PCDH11X: variants seen among roughly 807,000 people sequenced by gnomAD.
PCDH11X encodes the protein protocadherin 11 X-linked, also known as protocadherin-11 X-linked.
Under a neutral mutation model 53.3 loss-of-function variants are expected in PCDH11X, and 18 were observed. That is an observed-to-expected ratio of 0.34 (90% CI 0.23 to 0.50). The LOEUF (loss-of-function observed/expected upper bound fraction) is 0.50. Among genes scored for constraint, PCDH11X ranks in the 20% least tolerant of loss-of-function variants. The pLI is 0.98. For synonymous variants in PCDH11X, 279 were observed against 393.3 expected (o/e 0.71, Z 3.44); for missense variants, 570 against 1,032.4 (o/e 0.55, Z 6.14).
chrX:92,185,806 T>C (rs1273606097), intron 6 of PCDH11X, among the ~76,000 whole-genome samples: 1 of 108,639 alleles, frequency 9.2e-6, no homozygotes, highest in Non-Finnish European at 1.9e-5. Context: ...AATTTTACCC[T>C]AAATAGAATA....
intron 10 of PCDH11X, among the ~76,000 whole-genome samples, chrX:92,500,948 G>T (rs79098934): frequency 9.1e-6 from 1 of 109,676 alleles, no homozygotes; most frequent in African/African-American, 3.3e-5. Context: ...CTATTTTTTT[G>T]AAAAAAATAA....
intron 6 of PCDH11X, among the ~76,000 whole-genome samples, chrX:92,012,280 T>A (rs1309136949): frequency 9.2e-6 from 1 of 108,371 alleles, no homozygotes; most frequent in Non-Finnish European, 1.9e-5. Context: ...TGGCAGCTGG[T>A]TTTACCCTAG....
At chrX:92,432,541 G>A (rs1399133983) in intron 9 of PCDH11X, among the ~76,000 whole-genome samples, 6 of 109,977 alleles carry the variant, frequency 5.5e-5, no homozygotes, top group African/African-American at 2.0e-4. Context: ...AGGTAGTTCA[G>A]TGTTTCATAT....
chrX:91,984,512 G>A (rs868842292), intron 6 of PCDH11X, among the ~76,000 whole-genome samples: 3 of 106,992 alleles, frequency 2.8e-5, no homozygotes, highest in Non-Finnish European at 5.8e-5. Context: ...CTAATCTTCA[G>A]AGATAATTTA....
At chrX:91,975,974 A>G (rs1488917644) in intron 6 of PCDH11X, among the ~76,000 whole-genome samples, 2 of 111,015 alleles carry the variant, frequency 1.8e-5, no homozygotes, top group African/African-American at 6.6e-5. Flanking sequence ...CTATTGGGAG[A>G]TATGTACTCT....
intron 6 of PCDH11X, among the ~76,000 whole-genome samples, chrX:91,887,317 T>C (rs1423763762): frequency 9.0e-6 from 1 of 111,047 alleles, no homozygotes; most frequent in Non-Finnish European, 1.9e-5. Flanking sequence ...TGAAGCTTAG[T>C]TTGTGTTTAT....
intron 6 of PCDH11X, among the ~76,000 whole-genome samples, chrX:91,968,855 C>A (rs2061903997): frequency 9.0e-6 from 1 of 111,329 alleles, no homozygotes; most frequent in Non-Finnish European, 1.9e-5. Context: ...GGTTCAAATG[C>A]AACATATATG....
At chrX:92,497,361 G>T (rs1045487946) in intron 10 of PCDH11X, among the ~76,000 whole-genome samples, 1 of 110,707 alleles carries the variant, frequency 9.0e-6, no homozygotes, top group East Asian at 2.8e-4. Context: ...GTCAATGAGA[G>T]ACTCTTTGTT....
chrX:91,878,339 C>G lies in PCDH11X; in HGVS notation c.2099C>G (p.Ala700Gly), dbSNP rs746266382. ...NPGTVVFQVI[A>G]VDNDTGMNAE... ...GGCACAGTGGTCTTTCAGGTAATTGCTGTTGACAATGACACTGGCATGAAT... is the reference window on the plus strand; with the variant it reads ...GGCACAGTGGTCTTTCAGGTAATTGGTGTTGACAATGACACTGGCATGAAT... Residue 700 changes from alanine (A) to glycine (G), a missense_variant, in exon 6 of 11, where the codon GCT becomes GGT. By Grantham distance (60) the Ala-to-Gly change is moderately conservative (BLOSUM62 0). Around this residue, in one of 6 missense-constraint regions of PCDH11X, gnomAD observed 226 missense variants for 457.5 expected, o/e 0.49. Transcript: ENST00000682573. 8.3e-7 allele frequency: 1 copy of G among 1,209,101 alleles called. No homozygotes were observed. Among genetic ancestry groups the G allele is most frequent in the Admixed American group, 2.2e-5 (1 of 45,752 alleles).
chrX:91,862,718 C>CT (rs1030254186), intron 5 of PCDH11X, among the ~76,000 whole-genome samples: 1 of 64,051 alleles, frequency 1.6e-5, no homozygotes, highest in African/African-American at 6.0e-5. Flanking sequence ...AGGTTTTCCT[C>CT]TTTTTTGATG....
At chrX:92,331,349 C>G (rs867427918) in intron 8 of PCDH11X, among the ~76,000 whole-genome samples, 3 of 36,401 alleles carry the variant, frequency 8.2e-5, no homozygotes, top group African/African-American at 1.5e-4. Flanking sequence ...TTCCTTTTCC[C>G]CCTCCTCTTC....
At chrX:92,278,806 G>GTTTTTTTTT (rs35000823) in intron 8 of PCDH11X, among the ~76,000 whole-genome samples, 2 of 47,398 alleles carry the variant, frequency 4.2e-5, no homozygotes, top group East Asian at 6.2e-4. Flanking sequence ...TCTCTTTTCA[G>GTTTTTTTTT]TTTTTTTTTT....
At chrX:92,161,493 C>T (rs953251694) in intron 6 of PCDH11X, among the ~76,000 whole-genome samples, 1 of 110,588 alleles carries the variant, frequency 9.0e-6, no homozygotes, top group African/African-American at 3.3e-5. Flanking sequence ...GACAATGTGC[C>T]TAGACATGAT....
chrX:92,298,006 A>G (rs1282346664), intron 8 of PCDH11X, among the ~76,000 whole-genome samples: 1 of 110,296 alleles, frequency 9.1e-6, no homozygotes, highest in Non-Finnish European at 1.9e-5. Flanking sequence ...GTATCCTGAA[A>G]CTTTGCTTAA....
intron 10 of PCDH11X, among the ~76,000 whole-genome samples, chrX:92,487,379 A>C (rs1337865958): frequency 9.0e-6 from 1 of 110,990 alleles, no homozygotes; most frequent in Non-Finnish European, 1.9e-5. Flanking sequence ...GATGTAAGAA[A>C]GGACTAGAGA....
intron 10 of PCDH11X, among the ~76,000 whole-genome samples, chrX:92,534,836 T>G (rs915773571): frequency 1.8e-5 from 2 of 111,510 alleles, no homozygotes; most frequent in African/African-American, 6.5e-5. Context: ...TAAAATCCTT[T>G]ACAGACAAGC....
In PCDH11X at chrX:91,876,714, C is replaced by A. The variant is rs1303342596; in HGVS notation, c.541-67C>A. 4.6e-5 allele frequency: 43 copies of A among 938,173 alleles called. No individual in the cohort carries two copies. In the South Asian group the frequency reaches 6.8e-4, roughly 15 times the overall value. The allele number at this position is 938,173 out of a possible 1,213,427, so 77.3% of individuals were successfully genotyped here. A position where few individuals can be genotyped will look rare whatever the true frequency, so the allele number is the denominator to read the frequency against. On this transcript the variant is annotated intron_variant, in intron 5 of 10. Coordinates refer to ENST00000682573, the MANE Select transcript of PCDH11X (RefSeq NM_032968.5). ...ATAAGTTAAATTATATTTTATTATT[C>A]ATATTAATATTAATATATTAATTTA...
chrX:91,974,995 G>A (rs1463807048), intron 6 of PCDH11X, among the ~76,000 whole-genome samples: 4 of 110,722 alleles, frequency 3.6e-5, no homozygotes, highest in East Asian at 2.9e-4. Flanking sequence ...CAGGTGATCC[G>A]CCTGCCTCGG....
chrX:92,547,729 T>G (rs144907617), intron 10 of PCDH11X, among the ~76,000 whole-genome samples: 2,722 of 109,602 alleles, frequency 0.025, 35 homozygotes, highest in Non-Finnish European at 0.038. Context: ...TTTCTTTATT[T>G]TTTTATTTTT....
Sources: allele counts gnomAD v4.1 joint callset (sites outside exome capture counted in the v4.1 genomes callset), GRCh38; gene constraint gnomAD v4.1.1; regional missense constraint gnomAD v4.1.1; transcripts MANE v1.5; gene names NCBI Gene and HGNC (gene_info 2026-07-23, HGNC 2026-07-21).